Variants in CNTNAP2 observed in about 807,000 individuals in gnomAD.
CNTNAP2 encodes the protein contactin-associated protein-like 2.
In CNTNAP2, 98 loss-of-function variants were observed where a neutral mutation model predicts 155.2. That is an observed-to-expected ratio of 0.63 (90% CI 0.54 to 0.75). The LOEUF (loss-of-function observed/expected upper bound fraction) is 0.75, where lower values mean the gene tolerates loss of function less well. Ranked by LOEUF, CNTNAP2 falls within the 30% of genes least tolerant of loss-of-function variation. The pLI, the probability that CNTNAP2 is intolerant of heterozygous loss-of-function variation, is 0.00. For missense variants in CNTNAP2, 1,727 were observed against 1,688.1 expected, an observed-to-expected ratio of 1.02 and a Z score of -0.40; for synonymous variants, 651 against 631.2, an observed-to-expected ratio of 1.03 and a Z score of -0.47.
chr7:147,241,187 A>C (rs1268803601), intron 8 of CNTNAP2, among the ~76,000 whole-genome samples: 1 of 152,198 alleles, frequency 6.6e-6, no homozygotes, highest in African/African-American at 2.4e-5. Context: ...TCTCTCTGTC[A>C]TGGAGGCAGC....
At chr7:147,438,141 T>C (rs1475594450) in intron 10 of CNTNAP2, among the ~76,000 whole-genome samples, 3 of 152,040 alleles carry the variant, frequency 2.0e-5, no homozygotes, top group East Asian at 1.9e-4. Context: ...AGGACTTCCA[T>C]TACTACATTA....
Position 146,177,839 on chromosome 7 carries a change from C to G in CNTNAP2, c.97+60866C>G, listed in dbSNP as rs1013664282. Among the ~76,000 whole-genome samples, 5 of 152,046 alleles carry G rather than the reference C, an allele frequency of 3.3e-5. No homozygotes were observed. The East Asian group carries it at 9.7e-4, about 29-fold the overall frequency. On this transcript the variant is annotated intron_variant, in intron 1 of 23. Transcript: ENST00000361727. Reference sequence around the variant, plus strand: ...ATTCATTTTATTTATTTTTACTTTCCTACATAGAGAGTTCTTATTGTTTCT... The same window carrying G: ...ATTCATTTTATTTATTTTTACTTTCGTACATAGAGAGTTCTTATTGTTTCT...
At chr7:147,317,988 C>T (rs927957791) in intron 9 of CNTNAP2, among the ~76,000 whole-genome samples, 1 of 152,024 alleles carries the variant, frequency 6.6e-6, no homozygotes, top group African/African-American at 2.4e-5. Flanking sequence ...TTTAGCAATA[C>T]TATCTCTGAT....
chr7:146,799,562 A>G (rs1389883753), intron 2 of CNTNAP2, among the ~76,000 whole-genome samples: 1 of 152,232 alleles, frequency 6.6e-6, no homozygotes, highest in Non-Finnish European at 1.5e-5. Flanking sequence ...AATTTTCCAA[A>G]GAGCTTGAGT....
chr7:146,698,598 T>A (rs1378949932), intron 1 of CNTNAP2, among the ~76,000 whole-genome samples: 1 of 152,170 alleles, frequency 6.6e-6, no homozygotes, highest in African/African-American at 2.4e-5. Context: ...AGGAGATTTT[T>A]AACTGTTTAT....
intron 13 of CNTNAP2, among the ~76,000 whole-genome samples, chr7:147,655,258 G>A (rs1023318955): frequency 6.6e-6 from 1 of 152,112 alleles, no homozygotes; most frequent in African/African-American, 2.4e-5. Flanking sequence ...GAGTAGCTGG[G>A]ATTACAGACA....
chr7:146,968,205 G>A (rs1257159781), intron 3 of CNTNAP2, among the ~76,000 whole-genome samples: 2 of 151,486 alleles, frequency 1.3e-5, no homozygotes, highest in Admixed American at 6.6e-5. Context: ...TGCTGGATTC[G>A]GTTTGCCAGT....
At position 146,116,931 on chromosome 7, in the gene CNTNAP2, A is replaced by G. The variant is rs1797492098; in HGVS notation, c.55A>G (p.Ser19Gly). Residue 19 changes from serine to glycine, a missense_variant, in exon 1 of 24, where the codon AGC (serine) becomes GGC (glycine). Transcript: ENST00000361727. This position sits in a 1 kb window ranked among gnomAD's most constrained non-coding sequence, Gnocchi z 5.5. ...CGAALLLWIV[S>G]SCLCRAWTAP... ...GGCAGCGCTCCTGCTGTGGATTGTC[A>G]GCAGCTGCCTCTGCAGAGCCTGGAC... 1 of 1,552,590 alleles carries G rather than the reference A, an allele frequency of 6.4e-7. No homozygotes were observed. Among genetic ancestry groups the G allele is most frequent in the African/African-American group, 1.4e-5 (1 of 73,310 alleles).
chr7:146,683,483 AGAC>A, intron 1 of CNTNAP2, among the ~76,000 whole-genome samples: 1 of 152,246 alleles, frequency 6.6e-6, no homozygotes, highest in Non-Finnish European at 1.5e-5. Flanking sequence ...AACTCTCAGA[AGAC>A]CAGATGAACT....
intron 1 of CNTNAP2, among the ~76,000 whole-genome samples, chr7:146,614,858 T>C (rs1799198451): frequency 6.6e-6 from 1 of 152,194 alleles, no homozygotes; most frequent in Non-Finnish European, 1.5e-5. Context: ...CATTACCGTA[T>C]GGATACAAAA....
chr7:148,269,836 G>C (rs1017600530), intron 21 of CNTNAP2, among the ~76,000 whole-genome samples: 2 of 152,100 alleles, frequency 1.3e-5, no homozygotes, highest in Admixed American at 6.5e-5. Context: ...GTACTCCCAC[G>C]GTTCAGTTGA....
At chr7:146,366,580 AC>A (rs899612252) in intron 1 of CNTNAP2, among the ~76,000 whole-genome samples, 14 of 152,050 alleles carry the variant, frequency 9.2e-5, no homozygotes, top group Non-Finnish European at 1.8e-4. Flanking sequence ...GCCCAAGAAG[AC>A]CAAAGGGATT....
chr7:147,528,940 A>G (rs764810873), intron 11 of CNTNAP2, among the ~76,000 whole-genome samples: 29 of 152,258 alleles, frequency 1.9e-4, no homozygotes, highest in Admixed American at 4.6e-4. Context: ...CTGGGCAACC[A>G]TTAGATAAAC....
rs1192822908 is a variant in CNTNAP2 at position 148,376,481 on chromosome 7, C to T, written c.3476-7168C>T. On this transcript the variant is annotated intron_variant, in intron 21 of 23. Coordinates refer to ENST00000361727, the MANE Select transcript of CNTNAP2 (RefSeq NM_014141.6). ...GGTACAGCGAGGCCTATGATCACACCGCTGCATTCCTGCCTGGCTGACAGT... is the reference window on the plus strand; with the variant it reads ...GGTACAGCGAGGCCTATGATCACACTGCTGCATTCCTGCCTGGCTGACAGT... Among the ~76,000 whole-genome samples, 3 of 66,854 alleles carry T rather than the reference C, an allele frequency of 4.5e-5. 1 individual carries two copies. Among genetic ancestry groups the T allele is most frequent in the Non-Finnish European group, 1.3e-4 (3 of 23,938 alleles). 43.9% of individuals were successfully genotyped at this position (66,854 alleles called of 152,430 possible).
At chr7:147,294,394 C>T (rs1261527404) in intron 8 of CNTNAP2, among the ~76,000 whole-genome samples, 1 of 152,000 alleles carries the variant, frequency 6.6e-6, no homozygotes, top group Non-Finnish European at 1.5e-5. Context: ...CTTTGTGAAT[C>T]ATCTACACAT....
intron 13 of CNTNAP2, among the ~76,000 whole-genome samples, chr7:147,645,755 A>G (rs1226542027): frequency 6.6e-6 from 1 of 152,186 alleles, no homozygotes; most frequent in African/African-American, 2.4e-5. Context: ...TGATATGGGA[A>G]AGATTCATAT....
intron 3 of CNTNAP2, among the ~76,000 whole-genome samples, chr7:146,852,575 C>T (rs185837047): frequency 5.7e-4 from 87 of 152,200 alleles, no homozygotes; most frequent in South Asian, 3.5e-3. Context: ...ACACTATCAA[C>T]ATCATGTAAT....
chr7:146,136,413 A>G (rs1797798416), intron 1 of CNTNAP2, among the ~76,000 whole-genome samples: 1 of 152,174 alleles, frequency 6.6e-6, no homozygotes, highest in Non-Finnish European at 1.5e-5. Context: ...TACCATGAAC[A>G]TATTTTATAT....
At chr7:146,703,750 C>G (rs183327678) in intron 1 of CNTNAP2, among the ~76,000 whole-genome samples, 5 of 152,086 alleles carry the variant, frequency 3.3e-5, no homozygotes, top group African/African-American at 9.7e-5. Context: ...TTCTCATGAC[C>G]TGATCACCTC....
Sources: allele counts gnomAD v4.1 joint callset (sites outside exome capture counted in the v4.1 genomes callset), GRCh38; gene constraint gnomAD v4.1.1; non-coding constraint Gnocchi (gnomAD v3.1); transcripts MANE v1.5; gene names NCBI Gene and HGNC (gene_info 2026-07-23, HGNC 2026-07-21).